The following ACYP2 variants were observed in gnomAD, a reference collection of about 807,000 sequenced individuals.
The protein encoded by ACYP2 is acylphosphatase 2.
Under a neutral mutation model 11.2 loss-of-function variants are expected in ACYP2, and 12 were observed. The ratio of observed to expected loss-of-function variants is 1.08; its 90% confidence interval spans 0.69 to 1.74. The LOEUF (loss-of-function observed/expected upper bound fraction) is 1.74. Among genes scored for constraint, ACYP2 ranks in the 40% most tolerant of loss-of-function variants. The probability of loss-of-function intolerance (pLI) is 0.00; values close to 1 mark genes in which losing one functional copy is unlikely to be tolerated. For missense variants in ACYP2, 134 were observed against 101.9 expected (o/e 1.31, Z -1.35); for synonymous variants, 43 against 32.2 (o/e 1.33, Z -1.13).
chr2:54,239,267 G>A (rs1248427272), intron 6 of ACYP2, among the ~76,000 whole-genome samples: 3 of 152,124 alleles, frequency 2.0e-5, no homozygotes, highest in African/African-American at 7.2e-5. Flanking sequence ...TTCCAGGAAT[G>A]TCTCAAAGGG....
chr2:54,257,490 C>G (rs1284545363), intron 6 of ACYP2, among the ~76,000 whole-genome samples: 1 of 152,064 alleles, frequency 6.6e-6, no homozygotes, highest in Non-Finnish European at 1.5e-5. Flanking sequence ...TTCTCTTGAG[C>G]CTGGAAGGAG....
intron 6 of ACYP2, among the ~76,000 whole-genome samples, chr2:54,237,042 C>T (rs1686513688): frequency 1.3e-5 from 2 of 152,142 alleles, no homozygotes; most frequent in Non-Finnish European, 2.9e-5. Context: ...CTAAACAATA[C>T]AGTATGACAA....
At chr2:54,213,911 G>C (rs887031893) in intron 6 of ACYP2, among the ~76,000 whole-genome samples, 2 of 151,908 alleles carry the variant, frequency 1.3e-5, no homozygotes, top group Non-Finnish European at 2.9e-5. Context: ...AAGACCACAG[G>C]GGCATGCCAC....
chr2:54,125,973 C>T (rs548034717), intron 4 of ACYP2, among the ~76,000 whole-genome samples: 3 of 151,938 alleles, frequency 2.0e-5, no homozygotes, highest in Non-Finnish European at 2.9e-5. Flanking sequence ...CCCAGCTACT[C>T]GGGAGGTTGA....
chr2:54,217,249 C>T (rs369213763), intron 6 of ACYP2, among the ~76,000 whole-genome samples: 49 of 152,268 alleles, frequency 3.2e-4, no homozygotes, highest in African/African-American at 1.2e-3. Context: ...GAGTATTCTC[C>T]CAATGTCTAA....
intron 2 of ACYP2, among the ~76,000 whole-genome samples, chr2:54,039,006 G>A (rs545208376): frequency 3.4e-4 from 51 of 151,860 alleles, no homozygotes; most frequent in African/African-American, 1.2e-3. Context: ...ATATCTGGGG[G>A]AAGAACATCC....
intron 6 of ACYP2, among the ~76,000 whole-genome samples, chr2:54,264,194 T>C (rs1687914146): frequency 6.6e-6 from 1 of 151,904 alleles, no homozygotes; most frequent in Admixed American, 6.6e-5. Context: ...ATTTCAGGAG[T>C]GAAGCCGCAG....
At chr2:54,006,409 A>T (rs1302810867) in intron 2 of ACYP2, among the ~76,000 whole-genome samples, 2 of 151,966 alleles carry the variant, frequency 1.3e-5, no homozygotes, top group East Asian at 3.9e-4. Context: ...GGCCTCCCAA[A>T]GTGCTGGGAT....
intron 6 of ACYP2, chr2:54,255,763 T>C: frequency 6.2e-7 from 1 of 1,613,860 alleles, no homozygotes. Flanking sequence ...CCCACAGGTT[T>C]CTAGAGCCTT....
At chr2:54,037,098 T>G (rs1277841991) in intron 2 of ACYP2, among the ~76,000 whole-genome samples, 6 of 152,150 alleles carry the variant, frequency 3.9e-5, no homozygotes, top group Admixed American at 3.3e-4. Flanking sequence ...TAGAAAATAT[T>G]TCAATGGACG....
chr2:54,123,239 C>G (rs1438960923), intron 4 of ACYP2: 1 of 397,384 alleles, frequency 2.5e-6, no homozygotes, highest in Non-Finnish European at 4.4e-6. Flanking sequence ...GATGCTTTCT[C>G]CTGCAGAAAT....
intron 2 of ACYP2, among the ~76,000 whole-genome samples, chr2:54,046,041 A>C (rs1675502763): frequency 6.6e-6 from 1 of 150,618 alleles, no homozygotes; most frequent in African/African-American, 2.4e-5. Flanking sequence ...GTGGTGGCAC[A>C]TGCCTATAGT....
chr2:53,993,111 C>G (rs1393664701), intron 2 of ACYP2, among the ~76,000 whole-genome samples: 2 of 152,136 alleles, frequency 1.3e-5, no homozygotes, highest in African/African-American at 4.8e-5. Flanking sequence ...CAGGCTGAGG[C>G]ACGAGAATCG....
chr2:54,125,313 A>G (rs560025748), intron 4 of ACYP2, among the ~76,000 whole-genome samples: 1 of 152,330 alleles, frequency 6.6e-6, no homozygotes, highest in South Asian at 2.1e-4. Context: ...CCTGAAAGAT[A>G]CAATTCCAAA....
At chr2:54,229,344 AT>A (rs1390763446) in intron 6 of ACYP2, among the ~76,000 whole-genome samples, 1 of 152,128 alleles carries the variant, frequency 6.6e-6, no homozygotes, top group East Asian at 1.9e-4. Flanking sequence ...TTCTTTTATT[AT>A]TTTTTAAGAA....
chr2:54,093,767 C>A (rs1300036899), intron 4 of ACYP2, among the ~76,000 whole-genome samples: 1 of 151,876 alleles, frequency 6.6e-6, no homozygotes, highest in Non-Finnish European at 1.5e-5. Context: ...GGTGAAAACC[C>A]GTCTCTACTA....
At position 54,119,051 on chromosome 2, in the gene ACYP2, C is replaced by CTTTTT. The variant is rs10542497; in HGVS notation, c.278-16374_278-16370dup. 5.1e-3 allele frequency among the ~76,000 whole-genome samples: 222 copies of CTTTTT among 43,768 alleles called. 29 individuals are homozygous for CTTTTT. Among genetic ancestry groups the CTTTTT allele is most frequent in the African/African-American group, 0.023 (215 of 9,476 alleles). 28.7% of individuals were successfully genotyped at this position (43,768 alleles called of 152,430 possible). On this transcript the variant is annotated intron_variant, in intron 4 of 6. Transcript: ENST00000607452. ...GAAGTGGGATTTGAATCTTAGTAGT[C>CTTTTT]TTTTTTTTTTTTTTTTTTTTTTTTT...
At chr2:54,115,869 C>T in intron 4 of ACYP2, 113 bp downstream of exon 1, 4 of 1,317,114 alleles carry the variant, frequency 3.0e-6, no homozygotes, top group Non-Finnish European at 4.0e-6. Context: ...GCTGGGACTT[C>T]CGCTCCGCCA....
At chr2:54,018,053 C>A (rs546015736) in intron 2 of ACYP2, among the ~76,000 whole-genome samples, 1 of 152,208 alleles carries the variant, frequency 6.6e-6, no homozygotes, top group Non-Finnish European at 1.5e-5. Context: ...GATCTGAGCT[C>A]CCCTCCTTTA....
Sources: gnomAD v4.1 joint callset for allele counts (sites outside exome capture counted in the v4.1 genomes callset) on GRCh38, gnomAD v4.1.1 for gene constraint, MANE v1.5 for transcripts, NCBI Gene and HGNC (gene_info 2026-07-23, HGNC 2026-07-21) for gene names.